LRRC1: variants seen among roughly 807,000 people sequenced by gnomAD.
The protein encoded by LRRC1 is leucine rich repeat containing 1.
LRRC1 carries 28 observed loss-of-function variants against 69.9 expected under a neutral mutation model. The ratio of observed to expected loss-of-function variants is 0.40; its 90% CI spans 0.30 to 0.55. LRRC1 has a LOEUF of 0.55. Among genes scored for constraint, LRRC1 ranks in the 20% least tolerant of loss-of-function variants. The probability of loss-of-function intolerance (pLI) is 0.47; values close to 1 mark genes in which losing one functional copy is unlikely to be tolerated. For missense variants in LRRC1, 498 were observed against 609.0 expected (o/e 0.82, Z 1.92); for synonymous variants, 236 against 240.2 (o/e 0.98, Z 0.16).
chr6:53,842,685 G>A (rs1299528284), intron 2 of LRRC1, among the ~76,000 whole-genome samples: 5 of 152,142 alleles, frequency 3.3e-5, no homozygotes, highest in African/African-American at 1.2e-4. Flanking sequence ...TGTGGCAAGG[G>A]AAACCTGCCC....
chr6:53,903,600 T>C (rs1469964920), intron 9 of LRRC1, among the ~76,000 whole-genome samples: 3 of 151,846 alleles, frequency 2.0e-5, no homozygotes, highest in Non-Finnish European at 4.4e-5. Context: ...CCTTTTCTCC[T>C]TTCTCTATAA....
intron 1 of LRRC1, among the ~76,000 whole-genome samples, chr6:53,799,780 A>G (rs1320351136): frequency 6.6e-6 from 1 of 152,224 alleles, no homozygotes; most frequent in African/African-American, 2.4e-5. Context: ...TGCTTTTCCC[A>G]GAAGTTCTGT....
At chr6:53,817,426 A>C (rs1764983189) in intron 1 of LRRC1, among the ~76,000 whole-genome samples, 1 of 152,202 alleles carries the variant, frequency 6.6e-6, no homozygotes, top group Non-Finnish European at 1.5e-5. Flanking sequence ...TCAAATATTT[A>C]ACATTTTTGT....
At chr6:53,838,996 A>G (rs940481764) in intron 1 of LRRC1, among the ~76,000 whole-genome samples, 8 of 152,112 alleles carry the variant, frequency 5.3e-5, no homozygotes, top group Non-Finnish European at 8.8e-5. Flanking sequence ...AATGTAGTGT[A>G]TCAGCAATTT....
At chr6:53,915,995 A>T (rs1203170914) in intron 11 of LRRC1, among the ~76,000 whole-genome samples, 1 of 148,672 alleles carries the variant, frequency 6.7e-6, no homozygotes, top group Admixed American at 7.0e-5. Context: ...AACACATGGC[A>T]GCAGGAAACC....
intron 2 of LRRC1, among the ~76,000 whole-genome samples, chr6:53,849,061 CTTTT>C (rs569737865): frequency 2.3e-5 from 3 of 130,650 alleles, no homozygotes; most frequent in South Asian, 2.5e-4. Context: ...CCGGCCTATG[CTTTT>C]TTTTTTTTTT....
Position 53,795,292 on chromosome 6 carries a change from T to C in LRRC1, c.36T>C (p.Arg12=). Reference sequence around the variant, plus strand: ...GCATCCCCCTGTGGCGGTGCAACCGTCATGTGGAGAGCATCGACAAGCGCC... The same window carrying C: ...GCATCCCCCTGTGGCGGTGCAACCGCCATGTGGAGAGCATCGACAAGCGCC... The part of the protein sequence containing the change: ...FHCIPLWRCN[R]HVESIDKRHC... Residue 12 remains arginine (R), a synonymous_variant, in exon 1 of 14, where the codon CGT becomes CGC. Coordinates refer to ENST00000370888, the MANE Select transcript of LRRC1 (RefSeq NM_018214.5). 8 of 1,612,560 alleles carry C rather than the reference T, an allele frequency of 5.0e-6. No individual in the cohort carries two copies. Among genetic ancestry groups the C allele is most frequent in the Non-Finnish European group, 6.8e-6 (8 of 1,179,798 alleles).
chr6:53,882,178 C>T (rs1439556951), intron 3 of LRRC1, among the ~76,000 whole-genome samples: 2 of 152,136 alleles, frequency 1.3e-5, no homozygotes, highest in African/African-American at 4.8e-5. Context: ...GAAACCCCGT[C>T]TCTACTTAAA....
chr6:53,871,292 G>A (rs1766875970), intron 2 of LRRC1, among the ~76,000 whole-genome samples: 2 of 152,046 alleles, frequency 1.3e-5, no homozygotes, highest in South Asian at 2.1e-4. Context: ...ATCCTTGCCG[G>A]TATTTGTTGT....
chr6:53,796,861 T>A (rs1336450552), intron 1 of LRRC1, among the ~76,000 whole-genome samples: 1 of 152,218 alleles, frequency 6.6e-6, no homozygotes, highest in Non-Finnish European at 1.5e-5. Flanking sequence ...CTTGAAGATT[T>A]CTTACCAGTC....
At chr6:53,897,997 G>A (rs1270085096) in intron 7 of LRRC1, among the ~76,000 whole-genome samples, 1 of 151,974 alleles carries the variant, frequency 6.6e-6, no homozygotes, top group Non-Finnish European at 1.5e-5. Context: ...AAAACCAACA[G>A]GCATTTTCCT....
intron 1 of LRRC1, among the ~76,000 whole-genome samples, chr6:53,840,551 C>T (rs1470464418): frequency 6.6e-6 from 1 of 152,084 alleles, no homozygotes; most frequent in East Asian, 1.9e-4. Context: ...TTCTCTCTTT[C>T]AACTACGAAT....
At chr6:53,878,655 C>T (rs977579951) in intron 2 of LRRC1, among the ~76,000 whole-genome samples, 15 of 152,124 alleles carry the variant, frequency 9.9e-5, no homozygotes, top group African/African-American at 1.7e-4. Flanking sequence ...ACCCGCCTGC[C>T]GCTCACCTCC....
Position 53,795,323 on chromosome 6 carries a change from T to G in LRRC1, c.67T>G (p.Ser23Ala). The G allele has an allele frequency of 6.2e-7, 1 of 1,613,644 alleles. No homozygotes were observed. ...GGAGAGCATCGACAAGCGCCACTGCTCGCTGGTCTACGTCCCCGAGGAGAT... is the reference window on the plus strand; with the variant it reads ...GGAGAGCATCGACAAGCGCCACTGCGCGCTGGTCTACGTCCCCGAGGAGAT... Reference protein sequence around the residue: ...HVESIDKRHCSLVYVPEEIYR... With the variant: ...HVESIDKRHCALVYVPEEIYR... Residue 23 changes from serine to alanine, a missense_variant, in exon 1 of 14, where the codon TCG becomes GCG. Ser to Ala is a moderately conservative substitution (Grantham distance 99, BLOSUM62 1). Coordinates refer to ENST00000370888, the MANE Select transcript of LRRC1 (RefSeq NM_018214.5).
Position 53,830,098 on chromosome 6 carries a change from A to G in LRRC1, c.160-12012A>G, listed in dbSNP as rs116568757. The stretch of plus-strand genomic sequence containing the variant: ...AAGAACTGTCCTTAGATGCTGTGGT[A>G]GTGAGATGGCTCACTGGGTGGCCTG... On this transcript the variant is annotated intron_variant, in intron 1 of 13. Coordinates refer to ENST00000370888, the MANE Select transcript of LRRC1 (RefSeq NM_018214.5). Among the ~76,000 whole-genome samples the G allele has an allele frequency of 6.6e-3, 1,010 of 152,344 alleles. 11 individuals carry two copies. The highest frequency in any genetic ancestry group is 0.023 in the African/African-American group (975 of 41,580).
chr6:53,874,952 C>T (rs1209313639), intron 2 of LRRC1, among the ~76,000 whole-genome samples: 1 of 151,952 alleles, frequency 6.6e-6, no homozygotes, highest in African/African-American at 2.4e-5. Context: ...TGTTCAGCTG[C>T]AATAGTCATA....
intron 4 of LRRC1, among the ~76,000 whole-genome samples, chr6:53,893,883 C>T (rs1022284082): frequency 2.6e-5 from 4 of 152,124 alleles, no homozygotes; most frequent in African/African-American, 9.7e-5. Flanking sequence ...GGAACTAGGG[C>T]ATTTCAGCAG....
At chr6:53,893,192 C>T (rs991907001) in intron 4 of LRRC1, among the ~76,000 whole-genome samples, 3 of 152,148 alleles carry the variant, frequency 2.0e-5, no homozygotes, top group Admixed American at 6.5e-5. Flanking sequence ...AAGAAACTGG[C>T]TCTGTTAACT....
rs117208365 is a variant in LRRC1, at chr6:53,829,353, G to A, written c.160-12757G>A. On this transcript the variant is annotated intron_variant, in intron 1 of 13. Coordinates refer to ENST00000370888, the MANE Select transcript of LRRC1 (RefSeq NM_018214.5). Reference sequence around the variant, plus strand: ...CTGGCCTAATGTCTGGCACTTGAGAGGCATTTCTCATTATTTTAGAGATGT... The same window carrying A: ...CTGGCCTAATGTCTGGCACTTGAGAAGCATTTCTCATTATTTTAGAGATGT... Among the ~76,000 whole-genome samples, 77 of 152,294 alleles carry A rather than the reference G, an allele frequency of 5.1e-4. 1 individual carries two copies. In the East Asian group the frequency reaches 0.013, roughly 27 times the overall value.
Sources: allele counts gnomAD v4.1 joint callset (sites outside exome capture counted in the v4.1 genomes callset), GRCh38; gene constraint gnomAD v4.1.1; transcripts MANE v1.5; gene names NCBI Gene and HGNC (gene_info 2026-07-23, HGNC 2026-07-21).